Variants in PHACTR3 observed in about 807,000 individuals in gnomAD.
PHACTR3 encodes the protein phosphatase and actin regulator 3.
Under a neutral mutation model 66.8 loss-of-function variants are expected in PHACTR3, and 16 were observed. That is an observed-to-expected ratio of 0.24 (90% CI 0.16 to 0.36). The LOEUF (loss-of-function observed/expected upper bound fraction) is 0.36. Among genes scored for constraint, PHACTR3 ranks in the 10% least tolerant of loss-of-function variants. PHACTR3 has a pLI of 1.00. For synonymous variants in PHACTR3, 323 were observed against 292.1 expected, an observed-to-expected ratio of 1.11 and a Z score of -1.08; for missense variants, 647 against 719.9, an observed-to-expected ratio of 0.90 and a Z score of 1.16.
In PHACTR3 at chr20:59,830,629, C is replaced by T. The variant is rs541183111; in HGVS notation, c.1329-5876C>T. 6.6e-6 allele frequency among the ~76,000 whole-genome samples: 1 copy of T among 152,150 alleles called. No individual in the cohort carries two copies. The highest frequency in any genetic ancestry group is 2.4e-5 in the African/African-American group (1 of 41,444). ...CTCTGCTGGCTGAAGGTGGAAGAGA[C>T]CTGGGCTCAGCACGCCAGGTGAATA... On this transcript the variant is annotated intron_variant, in intron 8 of 12. Coordinates refer to ENST00000371015, the MANE Select transcript of PHACTR3 (RefSeq NM_080672.5). The surrounding 1 kb of genome is among the most constrained non-coding windows in gnomAD (Gnocchi z 5.8).
chr20:59,775,509 C>T (rs905950588), intron 7 of PHACTR3, among the ~76,000 whole-genome samples: 4 of 152,148 alleles, frequency 2.6e-5, no homozygotes, highest in South Asian at 2.1e-4. Context: ...CATAGCCTCC[C>T]GCTTCCTGCT....
At chr20:59,627,709 G>C (rs56801194) in intron 1 of PHACTR3, among the ~76,000 whole-genome samples, 2 of 152,206 alleles carry the variant, frequency 1.3e-5, no homozygotes, top group African/African-American at 4.8e-5. Flanking sequence ...GTGCCCTCCT[G>C]CTTAGGAAGC....
At chr20:59,720,310 C>T (rs540576155) in intron 1 of PHACTR3, among the ~76,000 whole-genome samples, 2 of 152,322 alleles carry the variant, frequency 1.3e-5, no homozygotes, top group South Asian at 4.1e-4. Context: ...GATCAATAAA[C>T]ACAAAAGCTG....
At chr20:59,595,852 T>C (rs961754359) in intron 1 of PHACTR3, among the ~76,000 whole-genome samples, 6 of 152,254 alleles carry the variant, frequency 3.9e-5, no homozygotes, top group African/African-American at 7.2e-5. Context: ...TTGTTGTCCC[T>C]GGTAGCTTCT....
intron 7 of PHACTR3, among the ~76,000 whole-genome samples, chr20:59,799,069 T>C (rs1238392142): frequency 1.3e-5 from 2 of 152,166 alleles, no homozygotes; most frequent in African/African-American, 4.8e-5. Flanking sequence ...TAATTTAGTT[T>C]CCAAATATGT....
chr20:59,847,220 C>A lies in PHACTR3; in HGVS notation c.*90C>A. On this transcript the variant is annotated 3_prime_UTR_variant, in exon 13 of 13. Transcript: ENST00000371015. ...AACTTTCCTGAAGTTCAGCTCAAGA[C>A]TACCCTACCTGCTGTGTTTGTGAGA... The A allele has an allele frequency of 1.1e-6, 1 of 914,454 alleles. No homozygotes were observed. Among genetic ancestry groups the A allele is most frequent in the Non-Finnish European group, 1.7e-6 (1 of 571,600 alleles). The allele number at this position is 914,454 out of a possible 1,614,324, so 56.6% of individuals were successfully genotyped here.
At chr20:59,745,971 C>T (rs1018595222) in intron 2 of PHACTR3, among the ~76,000 whole-genome samples, 8 of 152,190 alleles carry the variant, frequency 5.3e-5, no homozygotes, top group South Asian at 2.1e-4. Flanking sequence ...GGCCTGGGGA[C>T]GGGGTCCACA....
At chr20:59,695,558 G>C (rs957124319) in intron 1 of PHACTR3, among the ~76,000 whole-genome samples, 5 of 152,106 alleles carry the variant, frequency 3.3e-5, no homozygotes, top group African/African-American at 1.2e-4. Flanking sequence ...TCCAAGAATG[G>C]ACTAATACAA....
intron 1 of PHACTR3, among the ~76,000 whole-genome samples, chr20:59,718,932 C>T (rs1052493088): frequency 7.9e-5 from 12 of 152,374 alleles, no homozygotes; most frequent in Non-Finnish European, 1.5e-4. Context: ...CTCTGCTCCT[C>T]CAAGTGGTGG....
chr20:59,710,251 T>TG (rs1313362337), intron 1 of PHACTR3, among the ~76,000 whole-genome samples: 1 of 152,222 alleles, frequency 6.6e-6, no homozygotes, highest in Non-Finnish European at 1.5e-5. Flanking sequence ...AAAAGATAGA[T>TG]GTGGCCTCAT....
chr20:59,845,338 C>CT (rs1275195598), intron 12 of PHACTR3, 73 bp downstream of exon 12: 1 of 932,674 alleles, frequency 1.1e-6, no homozygotes, highest in East Asian at 2.6e-5. Flanking sequence ...TCCCCCGCCA[C>CT]AAACCATGTA....
chr20:59,612,480 G>C (rs1477239634), intron 1 of PHACTR3, among the ~76,000 whole-genome samples: 1 of 152,046 alleles, frequency 6.6e-6, no homozygotes, highest in African/African-American at 2.4e-5. Context: ...TGCCTGCTGG[G>C]TTCAAGCAAT....
At chr20:59,734,738 A>G (rs1448267646) in intron 1 of PHACTR3, among the ~76,000 whole-genome samples, 1 of 151,968 alleles carries the variant, frequency 6.6e-6, no homozygotes, top group African/African-American at 2.4e-5. Context: ...GAGACTGGGG[A>G]CCTCAGACCT....
intron 1 of PHACTR3, among the ~76,000 whole-genome samples, chr20:59,709,745 G>A (rs1023372785): frequency 6.6e-6 from 1 of 152,086 alleles, no homozygotes; most frequent in African/African-American, 2.4e-5. Flanking sequence ...TGTCCAGGAT[G>A]CATGAAGGAC....
intron 1 of PHACTR3, among the ~76,000 whole-genome samples, chr20:59,741,378 G>A (rs544144985): frequency 3.3e-5 from 5 of 152,298 alleles, no homozygotes; most frequent in East Asian, 1.9e-4. Flanking sequence ...AGCACCCCAC[G>A]GGTCTGCGAT....
intron 1 of PHACTR3, among the ~76,000 whole-genome samples, chr20:59,699,929 T>G (rs901862651): frequency 6.6e-6 from 1 of 152,136 alleles, no homozygotes; most frequent in Non-Finnish European, 1.5e-5. Context: ...GCCACTGCAC[T>G]CCAGCCTGGC....
chr20:59,815,306 AG>A (rs1380475011), intron 8 of PHACTR3, among the ~76,000 whole-genome samples: 2 of 152,208 alleles, frequency 1.3e-5, no homozygotes, highest in African/African-American at 2.4e-5. Flanking sequence ...GAGACGAACA[AG>A]GAACTCATCA....
chr20:59,712,375 C>CT (rs1201201455), intron 1 of PHACTR3, among the ~76,000 whole-genome samples: 1 of 152,194 alleles, frequency 6.6e-6, no homozygotes, highest in Non-Finnish European at 1.5e-5. Context: ...ACCCCATGAT[C>CT]TGAGTAATGA....
At chr20:59,746,619 ATAAT>A (rs1188818803) in intron 2 of PHACTR3, among the ~76,000 whole-genome samples, 1 of 152,222 alleles carries the variant, frequency 6.6e-6, no homozygotes, top group Admixed American at 6.5e-5. Context: ...AGTAAGTGAA[ATAAT>A]TCCATTGCCA....
Sources: gnomAD v4.1 joint callset for allele counts (sites outside exome capture counted in the v4.1 genomes callset) on GRCh38, gnomAD v4.1.1 for gene constraint, Gnocchi (gnomAD v3.1) non-coding constraint, MANE v1.5 for transcripts, NCBI Gene and HGNC (gene_info 2026-07-23, HGNC 2026-07-21) for gene names.